ELAC2: variants seen among roughly 807,000 people sequenced by gnomAD.
ELAC2 encodes the protein elaC ribonuclease Z 2, also known as zinc phosphodiesterase ELAC protein 2.
A neutral mutation model predicts 105.2 loss-of-function variants in ELAC2; 92 were observed. The observed-to-expected ratio is 0.87, with a 90% CI of 0.74 to 1.04. The LOEUF (loss-of-function observed/expected upper bound fraction) is 1.04, where lower values mean the gene tolerates loss of function less well. ELAC2 is among the 50% of genes least tolerant of loss of function. The pLI is 0.00. For synonymous variants in ELAC2, 468 were observed against 409.1 expected (o/e 1.14, Z -1.74); for missense variants, 1,099 against 1,071.7 (o/e 1.03, Z -0.36).
At chr17:13,013,978 T>C (rs1408157585) in intron 5 of ELAC2, among the ~76,000 whole-genome samples, 1 of 152,168 alleles carries the variant, frequency 6.6e-6, no homozygotes, top group Non-Finnish European at 1.5e-5. Context: ...CCCCTATTTT[T>C]ACAGCATGAG....
At chr17:12,994,346 G>C (rs1379940510) in intron 22 of ELAC2, 79 bp downstream of exon 22, 2 of 1,523,070 alleles carry the variant, frequency 1.3e-6, no homozygotes, top group Non-Finnish European at 1.8e-6. Flanking sequence ...CATCAGTGGA[G>C]ACAAACGACG....
In ELAC2 at chr17:12,992,507, A is replaced by T. The variant is rs907621700; in HGVS notation, c.*311T>A. On this transcript the variant is annotated 3_prime_UTR_variant, in exon 24 of 24. Coordinates refer to ENST00000338034, the MANE Select transcript of ELAC2 (RefSeq NM_018127.7). ...GGTGTGCAGGGAATCACTTTGCTGG[A>T]TTAGAGGAAAGGTGCCGCCGTCTGT... is the stretch of plus-strand genomic sequence containing the variant. The T allele has an allele frequency of 4.3e-5, 20 of 464,712 alleles. No homozygotes were observed. Among genetic ancestry groups the T allele is most frequent in the African/African-American group, 3.7e-4 (19 of 51,894 alleles). 28.8% of individuals were successfully genotyped at this position (464,712 alleles called of 1,614,324 possible). A position where few individuals can be genotyped will look rare whatever the true frequency, so the allele number is the denominator to read the frequency against.
At chr17:12,997,721 A>G (rs1449313952) in intron 16 of ELAC2, among the ~76,000 whole-genome samples, 1 of 152,190 alleles carries the variant, frequency 6.6e-6, no homozygotes, top group East Asian at 1.9e-4. Context: ...ATCATCCACC[A>G]CTAGCATGTA....
Position 13,003,938 on chromosome 17 carries a change from C to T in ELAC2, c.984-364G>A, listed in dbSNP as rs963656873. On this transcript the variant is annotated intron_variant, in intron 11 of 23. Coordinates refer to ENST00000338034, the MANE Select transcript of ELAC2 (RefSeq NM_018127.7). ...TGCTCCCTCTCTCCTTCCTCTCTCA[C>T]AGTCAAATTTCCTCGAATAAACCTC... is the stretch of plus-strand genomic sequence containing the variant. 5 of 259,754 alleles carry T rather than the reference C, an allele frequency of 1.9e-5. No homozygotes were observed. The Admixed American group carries it at 2.0e-4, about 10-fold the overall frequency. The allele number at this position is 259,754 out of a possible 1,614,324, so 16.1% of individuals were successfully genotyped here. A position where few individuals can be genotyped will look rare whatever the true frequency, so the allele number is the denominator to read the frequency against.
intron 15 of ELAC2, among the ~76,000 whole-genome samples, chr17:12,999,166 T>G (rs2040629715): frequency 6.6e-6 from 1 of 152,212 alleles, no homozygotes; most frequent in African/African-American, 2.4e-5. Context: ...AAATAAATTC[T>G]CCAGTCCTTT....
rs1162736724 is a variant in ELAC2, at chr17:13,003,361, G to GA, written c.1079+117dup. The GA allele has an allele frequency of 4.5e-5, 43 of 956,926 alleles. No homozygotes were observed. The African/African-American group carries it at 6.9e-4, about 15-fold the overall frequency. The allele number at this position is 956,926 out of a possible 1,614,324, so 59.3% of individuals were successfully genotyped here. Reference sequence around the variant, plus strand: ...ATTCTGGGAAGGCAGGAATCCCACAGAAAGTTTAGGCAGGTGCAGAAGGGT... The same window carrying GA: ...ATTCTGGGAAGGCAGGAATCCCACAGAAAAGTTTAGGCAGGTGCAGAAGGGT... On this transcript the variant is annotated intron_variant, in intron 12 of 23. Coordinates refer to ENST00000338034, the MANE Select transcript of ELAC2 (RefSeq NM_018127.7).
At chr17:12,998,382 G>A (rs376918542) in intron 16 of ELAC2, 30 bp downstream of exon 16, 276 of 1,602,640 alleles carry the variant, frequency 1.7e-4, no homozygotes, top group Non-Finnish European at 2.2e-4. Flanking sequence ...TGCCCTTGAT[G>A]GAAGGATGCT....
At chr17:13,009,014 C>T (rs1010048077) in intron 8 of ELAC2, among the ~76,000 whole-genome samples, 3 of 152,012 alleles carry the variant, frequency 2.0e-5, no homozygotes, top group East Asian at 1.9e-4. Context: ...AGCAGGAATA[C>T]GATTTAAAGA....
intron 15 of ELAC2, among the ~76,000 whole-genome samples, chr17:12,999,353 G>C (rs1175495381): frequency 6.6e-6 from 1 of 152,212 alleles, no homozygotes; most frequent in Non-Finnish European, 1.5e-5. Flanking sequence ...TGCTTCCCAA[G>C]GGGGAAACAG....
At chr17:13,005,378 G>C (rs1300247343) in intron 10 of ELAC2, among the ~76,000 whole-genome samples, 1 of 152,172 alleles carries the variant, frequency 6.6e-6, no homozygotes, top group East Asian at 1.9e-4. Context: ...TGGTCCTAAT[G>C]TCCTCAGAAG....
intron 18 of ELAC2, 53 bp from the exon 19 acceptor site, chr17:12,995,865 CTG>C: frequency 6.3e-7 from 1 of 1,585,416 alleles, no homozygotes. Flanking sequence ...TCAATAAAAA[CTG>C]GAGTGCCAAG....
Position 13,010,033 on chromosome 17 carries a change from G to C in ELAC2, c.738+580C>G, listed in dbSNP as rs973472256. 1.5e-4 allele frequency among the ~76,000 whole-genome samples: 22 copies of C among 150,202 alleles called. 1 individual carries two copies. The highest frequency in any genetic ancestry group is 3.4e-4 in the African/African-American group (14 of 41,018). On this transcript the variant is annotated intron_variant, in intron 8 of 23. Coordinates refer to ENST00000338034, the MANE Select transcript of ELAC2 (RefSeq NM_018127.7). Reference sequence around the variant, plus strand: ...ATGTACGGAGGCTGACAGGGCACTGGAAAAAAATTTAAAAGGAAATAAAAG... The same window carrying C: ...ATGTACGGAGGCTGACAGGGCACTGCAAAAAAATTTAAAAGGAAATAAAAG...
chr17:13,005,198 G>A lies in ELAC2; in HGVS notation c.871-97C>T, dbSNP rs111769975. ...CTGCTAACATGACATATCCTATCCAGTGAGCTGAGAGGTAAACAAAGCACA... is the reference window on the plus strand; with the variant it reads ...CTGCTAACATGACATATCCTATCCAATGAGCTGAGAGGTAAACAAAGCACA... On this transcript the variant is annotated intron_variant, in intron 10 of 23. Coordinates refer to ENST00000338034, the MANE Select transcript of ELAC2 (RefSeq NM_018127.7). 567 of 872,178 alleles carry A rather than the reference G, an allele frequency of 6.5e-4. No individual in the cohort carries two copies. In the African/African-American group the frequency reaches 8.0e-3, roughly 12 times the overall value. The allele number at this position is 872,178 out of a possible 1,614,324, so 54.0% of individuals were successfully genotyped here.
At chr17:13,003,413 G>A in intron 12 of ELAC2, 66 bp downstream of exon 12, 1 of 1,434,882 alleles carries the variant, frequency 7.0e-7, no homozygotes, top group Non-Finnish European at 9.8e-7. Flanking sequence ...AGCACGAGGG[G>A]AGGAAAGGGG....
Position 12,998,427 on chromosome 17 carries a change from G to A in ELAC2, c.1505C>T (p.Thr502Ile). Reference protein sequence around the residue: ...IPMKIRNVSATLVNISPDTSL... With the variant: ...IPMKIRNVSAILVNISPDTSL... ...AGCAGCATACCTTATGTTGACAAGT[G>A]TGGCACTGACATTTCGAATCTTCAT... The change falls in exon 16 of 24, where the codon ACA (threonine) becomes ATA (isoleucine). Residue 502 changes from threonine to isoleucine, a missense_variant. Physicochemically the swap from Thr to Ile is moderately conservative, Grantham distance 89 (BLOSUM62 -1). Coordinates refer to ENST00000338034, the MANE Select transcript of ELAC2 (RefSeq NM_018127.7). 1 of 1,614,190 alleles carries A rather than the reference G, an allele frequency of 6.2e-7. No individual in the cohort carries two copies. Among genetic ancestry groups the A allele is most frequent in the Non-Finnish European group, 8.5e-7 (1 of 1,179,998 alleles).
At chr17:12,998,592 G>T in intron 15 of ELAC2, 84 bp from the exon 16 acceptor site, 1 of 1,278,702 alleles carries the variant, frequency 7.8e-7, no homozygotes. Flanking sequence ...GCAATGGTTT[G>T]AGTGTCATTG....
chr17:13,016,727 C>T (rs1244950007), intron 3 of ELAC2, 135 bp downstream of exon 3: 14 of 869,464 alleles, frequency 1.6e-5, no homozygotes, highest in Admixed American at 1.3e-4. Flanking sequence ...TTGCAGTGAG[C>T]CAAGATCACG....
Position 13,017,944 on chromosome 17 carries a change from A to G in ELAC2, c.4T>C (p.Trp2Arg). ...GACCGCAGCAGCGAGCAAAGCGCCC[A>G]CATGCGCCCGTCTCCACCAAAACTG... M[W>R]ALCSLLRSAA... is the part of the protein sequence containing the mutation. Residue 2 changes from tryptophan to arginine, a missense_variant, in exon 1 of 24, where the codon TGG becomes CGG. By Grantham distance (101) the Trp-to-Arg change is moderately radical. Coordinates refer to ENST00000338034, the MANE Select transcript of ELAC2 (RefSeq NM_018127.7). The G allele has an allele frequency of 2.6e-6, 4 of 1,537,120 alleles. No homozygotes were observed. Among genetic ancestry groups the G allele is most frequent in the Non-Finnish European group, 2.6e-6 (3 of 1,146,798 alleles).
intron 12 of ELAC2, among the ~76,000 whole-genome samples, chr17:13,003,248 G>A (rs1358884143): frequency 6.6e-6 from 1 of 152,168 alleles, no homozygotes; most frequent in East Asian, 1.9e-4. Context: ...GAGTGTGGAG[G>A]GTGTAAAATA....
Sources: gnomAD v4.1 joint callset for allele counts (sites outside exome capture counted in the v4.1 genomes callset) on GRCh38, gnomAD v4.1.1 for gene constraint, MANE v1.5 for transcripts, NCBI Gene and HGNC (gene_info 2026-07-23, HGNC 2026-07-21) for gene names.